The following RNF24 variants were observed in gnomAD, a reference collection of about 807,000 sequenced individuals.
The protein encoded by RNF24 is ring finger protein 24.
Under a neutral mutation model 20.0 loss-of-function variants are expected in RNF24, and 14 were observed. The observed-to-expected ratio is 0.70, with a 90% CI of 0.46 to 1.10. The LOEUF is 1.10. RNF24 is among the 50% of genes least tolerant of loss of function. The pLI is 0.00. For synonymous variants in RNF24, 45 were observed against 61.1 expected, an observed-to-expected ratio of 0.74 and a Z score of 1.23; for missense variants, 124 against 177.6, an observed-to-expected ratio of 0.70 and a Z score of 1.71.
chr20:4,000,840 T>C (rs759529470), intron 1 of RNF24, among the ~76,000 whole-genome samples: 45 of 152,346 alleles, frequency 3.0e-4, no homozygotes, highest in Admixed American at 1.4e-3. Flanking sequence ...ATTTTGAGGC[T>C]AAATAGTGAT....
At chr20:4,011,943 A>C (rs1335334228) in intron 1 of RNF24, among the ~76,000 whole-genome samples, 1 of 152,254 alleles carries the variant, frequency 6.6e-6, no homozygotes, top group Non-Finnish European at 1.5e-5. Context: ...TGAAATAAGT[A>C]TAAAGGTAAA....
rs547714304 is a variant in RNF24, at chr20:3,987,231, A to C, written c.-7-23207T>G. 2.9e-4 allele frequency among the ~76,000 whole-genome samples: 44 copies of C among 152,360 alleles called. 1 individual carries two copies. The highest frequency in any genetic ancestry group is 1.1e-3 in the African/African-American group (44 of 41,588). The stretch of plus-strand genomic sequence containing the variant: ...ACAGAAGGAGGATGAAATAGAAGAC[A>C]AGTTATAAAGGAAGAAAATACTCTC... On this transcript the variant is annotated intron_variant, in intron 1 of 5. Transcript: ENST00000358395.
chr20:3,948,191 T>G, intron 3 of RNF24, 46 bp downstream of exon 3: 1 of 1,422,098 alleles, frequency 7.0e-7, no homozygotes, highest in Non-Finnish European at 9.7e-7. Flanking sequence ...CTCAGTTTTT[T>G]GGGGGGAAAA....
At chr20:3,988,471 T>C (rs908873741) in intron 1 of RNF24, among the ~76,000 whole-genome samples, 1 of 149,842 alleles carries the variant, frequency 6.7e-6, no homozygotes, top group African/African-American at 2.5e-5. Context: ...TTTTTTTTTT[T>C]TTTTTTGAGA....
chr20:4,005,882 T>A (rs916383696), intron 1 of RNF24, among the ~76,000 whole-genome samples: 2 of 152,228 alleles, frequency 1.3e-5, no homozygotes, highest in Non-Finnish European at 2.9e-5. Context: ...AACACTGTCA[T>A]CAAATGAACT....
At chr20:3,979,907 CAAG>C (rs1979240417) in intron 1 of RNF24, among the ~76,000 whole-genome samples, 2 of 151,812 alleles carry the variant, frequency 1.3e-5, no homozygotes, top group Non-Finnish European at 2.9e-5. Flanking sequence ...TAAATGGACA[CAAG>C]AATTCAATTC....
chr20:3,974,046 C>A (rs774953773), intron 1 of RNF24, among the ~76,000 whole-genome samples: 76 of 148,726 alleles, frequency 5.1e-4, no homozygotes, highest in Admixed American at 1.2e-3. Flanking sequence ...TCAAGAGATG[C>A]GGGGCTGGCT....
At chr20:3,961,182 G>A (rs960514146) in intron 2 of RNF24, among the ~76,000 whole-genome samples, 1 of 152,076 alleles carries the variant, frequency 6.6e-6, no homozygotes, top group East Asian at 1.9e-4. Flanking sequence ...TGGGAGGACT[G>A]CTTGAGCCCA....
At chr20:3,942,228 G>T (rs2090965450) in intron 4 of RNF24, among the ~76,000 whole-genome samples, 1 of 151,130 alleles carries the variant, frequency 6.6e-6, no homozygotes, top group African/African-American at 2.4e-5. Flanking sequence ...GAGTACAGTG[G>T]CACAACCTTG....
intron 1 of RNF24, among the ~76,000 whole-genome samples, chr20:3,969,165 TA>T (rs2091288991): frequency 6.6e-6 from 1 of 152,172 alleles, no homozygotes; most frequent in Admixed American, 6.5e-5. Flanking sequence ...CTTAGAACAG[TA>T]CCTGGGCACA....
chr20:3,990,710 A>T (rs1272114354), intron 1 of RNF24, among the ~76,000 whole-genome samples: 3 of 151,908 alleles, frequency 2.0e-5, no homozygotes, highest in Non-Finnish European at 4.4e-5. Context: ...ACACACACAC[A>T]TATATATATT....
Position 3,934,346 on chromosome 20 carries a change from A to AC in RNF24, c.309-146dup. On this transcript the variant is annotated intron_variant, in intron 5 of 5. Coordinates refer to ENST00000358395, the MANE Select transcript of RNF24 (RefSeq NM_001134337.3). The surrounding 1 kb of genome is among the most constrained non-coding windows in gnomAD (Gnocchi z 4.0). ...CCCTCCTAGGTGGTGAACGGATGTC[A>AC]CCCCCTGGAGAGAGGGAAGAGACAG... is the stretch of plus-strand genomic sequence containing the variant. 2 of 739,496 alleles carry AC rather than the reference A, an allele frequency of 2.7e-6. No individual in the cohort carries two copies. Among genetic ancestry groups the AC allele is most frequent in the South Asian group, 2.2e-5 (1 of 46,088 alleles). 45.8% of individuals were successfully genotyped at this position (739,496 alleles called of 1,614,324 possible). A position where few individuals can be genotyped will look rare whatever the true frequency, so the allele number is the denominator to read the frequency against.
chr20:3,971,525 A>G (rs751743444), intron 1 of RNF24, among the ~76,000 whole-genome samples: 4 of 152,240 alleles, frequency 2.6e-5, no homozygotes, highest in African/African-American at 4.8e-5. Flanking sequence ...AAGAAAAATT[A>G]TAATTGTCCA....
chr20:3,975,036 T>C lies in RNF24; in HGVS notation c.-7-11012A>G, dbSNP rs12625617. 8.9e-4 allele frequency among the ~76,000 whole-genome samples: 136 copies of C among 152,312 alleles called. 1 individual carries two copies. The East Asian group carries it at 0.023, about 26-fold the overall frequency. On this transcript the variant is annotated intron_variant, in intron 1 of 5. Coordinates refer to ENST00000358395, the MANE Select transcript of RNF24 (RefSeq NM_001134337.3). ...CATCATAGCCTAATCAAGACACTGA[T>C]TGGTTTTAGCAAAAGGATAGACACA... is the stretch of plus-strand genomic sequence containing the variant.
chr20:4,003,700 T>C (rs1278327878), intron 1 of RNF24, among the ~76,000 whole-genome samples: 2 of 125,888 alleles, frequency 1.6e-5, no homozygotes, highest in Non-Finnish European at 3.2e-5. Flanking sequence ...TGGAGTGCAA[T>C]GGCGTGATCT....
chr20:3,970,632 C>A (rs2091305394), intron 1 of RNF24, among the ~76,000 whole-genome samples: 1 of 151,824 alleles, frequency 6.6e-6, no homozygotes, highest in Admixed American at 6.6e-5. Flanking sequence ...AGCAAAGAAA[C>A]AGAAGATATA....
At chr20:3,985,258 T>G (rs982893107) in intron 1 of RNF24, among the ~76,000 whole-genome samples, 9 of 152,190 alleles carry the variant, frequency 5.9e-5, no homozygotes, top group African/African-American at 2.2e-4. Context: ...TCTAACCAGA[T>G]GTATATATTT....
intron 1 of RNF24, among the ~76,000 whole-genome samples, chr20:3,966,806 G>C (rs1326104468): frequency 2.0e-5 from 3 of 152,148 alleles, no homozygotes; most frequent in Non-Finnish European, 4.4e-5. Context: ...GTAGCATTCT[G>C]TACAAAGACT....
rs1010018308 is a variant in RNF24 at position 3,929,517 on chromosome 20, T to C, written c.*4546A>G. ...TAGCTAAGATGTCTGCCCCACAAAA[T>C]AGAAGCCTTCAGTTGCTGCTGCTCA... On this transcript the variant is annotated 3_prime_UTR_variant, in exon 6 of 6. Coordinates refer to ENST00000358395, the MANE Select transcript of RNF24 (RefSeq NM_001134337.3). 7.9e-5 allele frequency: 12 copies of C among 152,374 alleles called. No homozygotes were observed. Among genetic ancestry groups the C allele is most frequent in the East Asian group, 1.9e-4 (1 of 5,204 alleles). The allele number at this position is 152,374 out of a possible 1,614,324, so 9.4% of individuals were successfully genotyped here.
Sources: allele counts gnomAD v4.1 joint callset (sites outside exome capture counted in the v4.1 genomes callset), GRCh38; gene constraint gnomAD v4.1.1; non-coding constraint Gnocchi (gnomAD v3.1); transcripts MANE v1.5; gene names NCBI Gene and HGNC (gene_info 2026-07-23, HGNC 2026-07-21).